Variants in NHS observed in about 807,000 individuals in gnomAD.
NHS encodes NHS actin remodeling regulator, also known as actin remodeling regulator NHS.
NHS carries 5 observed loss-of-function variants against 72.5 expected under a neutral mutation model. That is an observed-to-expected ratio of 0.07 (90% CI 0.04 to 0.14). NHS has a LOEUF of 0.14. Ranked by LOEUF, NHS falls within the 10% of genes least tolerant of loss-of-function variation. The probability of loss-of-function intolerance (pLI) is 1.00; values close to 1 mark genes in which losing one functional copy is unlikely to be tolerated. For missense variants in NHS, 1,072 were observed against 1,355.7 expected, an observed-to-expected ratio of 0.79 and a Z score of 3.29; for synonymous variants, 464 against 547.7, an observed-to-expected ratio of 0.85 and a Z score of 2.13.
chrX:17,661,179 A>G (rs2065980911), intron 1 of NHS, among the ~76,000 whole-genome samples: 1 of 112,127 alleles, frequency 8.9e-6, no homozygotes, highest in African/African-American at 3.2e-5. Flanking sequence ...ATCAATACCT[A>G]TCCTCAGACA....
At chrX:17,562,702 T>C (rs2065421929) in intron 1 of NHS, among the ~76,000 whole-genome samples, 1 of 112,105 alleles carries the variant, frequency 8.9e-6, no homozygotes, top group African/African-American at 3.2e-5. Flanking sequence ...AAAGAATCTT[T>C]AAAGAAAGAG....
chrX:17,657,705 C>T (rs1290452869), intron 1 of NHS, among the ~76,000 whole-genome samples: 2 of 113,000 alleles, frequency 1.8e-5, no homozygotes, highest in Non-Finnish European at 1.9e-5. Flanking sequence ...GGAGCCTGGA[C>T]AGGGGTCCCT....
intron 3 of NHS, among the ~76,000 whole-genome samples, chrX:17,697,195 G>C (rs1267196268): frequency 1.8e-5 from 2 of 111,125 alleles, no homozygotes; most frequent in Non-Finnish European, 3.8e-5. Context: ...AAGAAGAAAA[G>C]AGGCAAAAAG....
At position 17,451,244 on chromosome X, in the gene NHS, T is replaced by C. The variant is rs1210114259; in HGVS notation, c.565+74922T>C. Among the ~76,000 whole-genome samples the C allele has an allele frequency of 3.6e-5, 4 of 112,125 alleles. No individual in the cohort carries two copies. In the East Asian group the frequency reaches 1.1e-3, roughly 31 times the overall value. On this transcript the variant is annotated intron_variant, in intron 1 of 8. Coordinates refer to ENST00000676302, the MANE Select transcript of NHS (RefSeq NM_001291867.2). ...ATGTGCGACTCATATTGTATTTCTG[T>C]TTGTTTCTAGTGCTGAGCTAGACCT...
At chrX:17,695,744 A>C (rs2066224847) in intron 3 of NHS, among the ~76,000 whole-genome samples, 1 of 111,441 alleles carries the variant, frequency 9.0e-6, no homozygotes, top group Admixed American at 9.5e-5. Context: ...TGGTTTCTTG[A>C]CATTTAATTT....
chrX:17,681,200 A>G (rs973869365), intron 1 of NHS, among the ~76,000 whole-genome samples: 1 of 112,021 alleles, frequency 8.9e-6, no homozygotes, highest in Admixed American at 9.5e-5. Context: ...GGCAAAATAA[A>G]GCAAAAAGAA....
chrX:17,424,978 G>A (rs1223495356), intron 1 of NHS, among the ~76,000 whole-genome samples: 1 of 111,807 alleles, frequency 8.9e-6, no homozygotes, highest in African/African-American at 3.3e-5. Context: ...ACATATGGCA[G>A]GATCTTCCCT....
intron 1 of NHS, among the ~76,000 whole-genome samples, chrX:17,489,582 G>A (rs150408068): frequency 0.019 from 2,135 of 111,904 alleles, 55 homozygotes; most frequent in African/African-American, 0.066. Flanking sequence ...CAGCCTCCTG[G>A]GTTCACGCCA....
chrX:17,704,394 G>A (rs1417761648), intron 3 of NHS, among the ~76,000 whole-genome samples: 1 of 110,909 alleles, frequency 9.0e-6, no homozygotes, highest in Admixed American at 9.5e-5. Context: ...TCTGCCTCCC[G>A]GGTTCATGCC....
At chrX:17,405,533 C>T (rs180890304) in intron 1 of NHS, among the ~76,000 whole-genome samples, 2 of 112,281 alleles carry the variant, frequency 1.8e-5, no homozygotes, top group African/African-American at 6.5e-5. Context: ...GGAAGGGTTA[C>T]GGATAATGAT....
intron 1 of NHS, among the ~76,000 whole-genome samples, chrX:17,573,172 G>A (rs1213391198): frequency 9.0e-6 from 1 of 111,061 alleles, no homozygotes; most frequent in East Asian, 2.9e-4. Context: ...TGCTCTTCTC[G>A]AAGAGTGTCT....
rs767507492 is a variant in NHS at position 17,597,583 on chromosome X, G to C, written c.566-90159G>C. Among the ~76,000 whole-genome samples the C allele has an allele frequency of 3.6e-5, 4 of 110,691 alleles. No homozygotes were observed. The South Asian group carries it at 1.6e-3, about 43-fold the overall frequency. Reference sequence around the variant, plus strand: ...CTTAAAAATTAGTGGGATATTCCTGGAGAGTTGCCAAGCTAGAGGAGATTC... The same window carrying C: ...CTTAAAAATTAGTGGGATATTCCTGCAGAGTTGCCAAGCTAGAGGAGATTC... On this transcript the variant is annotated intron_variant, in intron 1 of 8. Transcript: ENST00000676302.
chrX:17,446,455 C>T lies in NHS; in HGVS notation c.565+70133C>T, dbSNP rs184688809. Among the ~76,000 whole-genome samples the T allele has an allele frequency of 6.7e-3, 732 of 109,675 alleles. 6 individuals are homozygous for T. The highest frequency in any genetic ancestry group is 0.012 in the Non-Finnish European group (624 of 52,678). On this transcript the variant is annotated intron_variant, in intron 1 of 8. Transcript: ENST00000676302. ...GACATTACCTTGTGAAATTCCTTCT[C>T]CTGGCTCATCCTGGCTCAAAAGCTC...
chrX:17,375,630 C>A lies in NHS; in HGVS notation c.-128C>A. 1.6e-6 allele frequency: 1 copy of A among 639,981 alleles called. No homozygotes were observed. Among genetic ancestry groups the A allele is most frequent in the Non-Finnish European group, 2.4e-6 (1 of 415,998 alleles). The allele number at this position is 639,981 out of a possible 1,213,427, so 52.7% of individuals were successfully genotyped here. On this transcript the variant is annotated 5_prime_UTR_variant, in exon 1 of 9. Coordinates refer to ENST00000676302, the MANE Select transcript of NHS (RefSeq NM_001291867.2). ...GCAAGGTGAGCAGAGAAGCCCCCTG[C>A]GTATCCGGACTGCCAGATCGCGCTT...
chrX:17,419,347 C>G (rs1356904688), intron 1 of NHS, among the ~76,000 whole-genome samples: 1 of 112,426 alleles, frequency 8.9e-6, no homozygotes, highest in African/African-American at 3.2e-5. Context: ...CCTTCTGAAT[C>G]TGGACATAAA....
chrX:17,516,849 G>C (rs2065124319), intron 1 of NHS, among the ~76,000 whole-genome samples: 1 of 112,104 alleles, frequency 8.9e-6, no homozygotes, highest in African/African-American at 3.2e-5. Context: ...AGCCTTAAAA[G>C]CAAAAGCTTG....
At chrX:17,519,809 T>C (rs1023742850) in intron 1 of NHS, among the ~76,000 whole-genome samples, 1 of 110,605 alleles carries the variant, frequency 9.0e-6, no homozygotes, top group African/African-American at 3.3e-5. Flanking sequence ...ATCACTGGTG[T>C]ACCTCCCATC....
At chrX:17,440,258 T>TAAAA (rs1036618487) in intron 1 of NHS, among the ~76,000 whole-genome samples, 15 of 37,300 alleles carry the variant, frequency 4.0e-4, no homozygotes, top group African/African-American at 1.1e-3. Context: ...GACTCAGTCT[T>TAAAA]AAAAAAAAAA....
At chrX:17,560,067 T>C (rs1031773540) in intron 1 of NHS, among the ~76,000 whole-genome samples, 1 of 112,195 alleles carries the variant, frequency 8.9e-6, no homozygotes, top group Non-Finnish European at 1.9e-5. Context: ...TACATACATA[T>C]ACACATAGTC....
Sources: gnomAD v4.1 joint callset for allele counts (sites outside exome capture counted in the v4.1 genomes callset) on GRCh38, gnomAD v4.1.1 for gene constraint, MANE v1.5 for transcripts, NCBI Gene and HGNC (gene_info 2026-07-23, HGNC 2026-07-21) for gene names.